Variants in RAD54B observed in about 807,000 individuals in gnomAD.
The protein encoded by RAD54B is RAD54 homolog B.
Under a neutral mutation model 95.8 loss-of-function variants are expected in RAD54B, and 78 were observed. The ratio of observed to expected loss-of-function variants is 0.81; its 90% CI spans 0.68 to 0.98. The LOEUF is 0.98. Ranked by LOEUF, RAD54B falls within the 50% of genes least tolerant of loss-of-function variation. The pLI is 0.00. For missense variants in RAD54B, 957 were observed against 1,056.6 expected (o/e 0.91, Z 1.31); for synonymous variants, 328 against 354.9 (o/e 0.92, Z 0.85).
chr8:94,433,601 TATG>T (rs1812175725), intron 3 of RAD54B, among the ~76,000 whole-genome samples: 1 of 152,040 alleles, frequency 6.6e-6, no homozygotes, highest in Non-Finnish European at 1.5e-5. Flanking sequence ...CATAACAAGT[TATG>T]ATATTATAAA....
chr8:94,376,510 AAAG>A (rs1173717166), intron 14 of RAD54B, among the ~76,000 whole-genome samples: 2 of 150,862 alleles, frequency 1.3e-5, no homozygotes, highest in African/African-American at 4.9e-5. Context: ...AAAAAGGAGA[AAAG>A]AAGAGAAATT....
chr8:94,441,706 G>C (rs1812403088), intron 3 of RAD54B, among the ~76,000 whole-genome samples: 1 of 152,194 alleles, frequency 6.6e-6, no homozygotes, highest in African/African-American at 2.4e-5. Flanking sequence ...TCTCCCCAGA[G>C]ATAGGGGTGA....
intron 11 of RAD54B, among the ~76,000 whole-genome samples, chr8:94,380,765 G>A (rs1425584201): frequency 6.6e-6 from 1 of 152,158 alleles, no homozygotes; most frequent in Non-Finnish European, 1.5e-5. Context: ...ATAAGGTGAT[G>A]CCTACATGCC....
In RAD54B at chr8:94,411,201, T is replaced by C. The variant is rs1811519113; in HGVS notation, c.419A>G (p.Lys140Arg). The C allele has an allele frequency of 1.2e-6, 2 of 1,611,308 alleles. No individual in the cohort carries two copies. Among genetic ancestry groups the C allele is most frequent in the Non-Finnish European group, 1.7e-6 (2 of 1,178,912 alleles). ...WCKPSKKKHK[K>R]WEGDAVLIVK... The stretch of plus-strand genomic sequence containing the variant: ...AATAAGAACAGCATCACCTTCCCAC[T>C]TTTTATGTTTTTTCTTTGAAGGCTT... Residue 140 changes from lysine (K) to arginine (R), a missense_variant, in exon 4 of 15, where the codon AAG becomes AGG. Lys to Arg is a conservative substitution (Grantham distance 26, BLOSUM62 2). Coordinates refer to ENST00000336148, the MANE Select transcript of RAD54B (RefSeq NM_012415.3).
At chr8:94,461,135 T>C (rs1812890945) in intron 2 of RAD54B, among the ~76,000 whole-genome samples, 1 of 149,882 alleles carries the variant, frequency 6.7e-6, no homozygotes, top group African/African-American at 2.4e-5. Context: ...ATAGGCAAAG[T>C]TGTCATGTTA....
chr8:94,425,816 G>GA (rs200507754), intron 3 of RAD54B, among the ~76,000 whole-genome samples: 21,058 of 132,656 alleles, frequency 0.16, 2,502 homozygotes, highest in East Asian at 0.36. Flanking sequence ...GTACTAAAAT[G>GA]AAAAAAAAAA....
chr8:94,461,756 G>T (rs1028477056), intron 2 of RAD54B, among the ~76,000 whole-genome samples: 14 of 152,010 alleles, frequency 9.2e-5, no homozygotes, highest in Non-Finnish European at 1.6e-4. Context: ...ACACACACAC[G>T]TGAGAGTAAA....
intron 11 of RAD54B, among the ~76,000 whole-genome samples, chr8:94,383,657 C>T (rs1810796122): frequency 1.3e-5 from 2 of 152,118 alleles, no homozygotes; most frequent in East Asian, 3.8e-4. Context: ...AAAACAAAAT[C>T]CATATAGGGC....
At chr8:94,400,817 G>A (rs567804606) in intron 6 of RAD54B, among the ~76,000 whole-genome samples, 10 of 152,142 alleles carry the variant, frequency 6.6e-5, no homozygotes, top group African/African-American at 2.4e-4. Flanking sequence ...ATTGGTTTCA[G>A]ATATCAAAAC....
intron 10 of RAD54B, 149 bp from the exon 11 acceptor site, chr8:94,387,308 A>G: frequency 1.6e-6 from 1 of 612,916 alleles, no homozygotes; most frequent in Non-Finnish European, 2.7e-6. Context: ...ATAGGTCATG[A>G]TTTGATCATT....
intron 2 of RAD54B, among the ~76,000 whole-genome samples, chr8:94,466,050 T>C (rs1430075919): frequency 6.6e-6 from 1 of 152,150 alleles, no homozygotes; most frequent in East Asian, 1.9e-4. Context: ...AGAGTTTCTG[T>C]TTGGGGTAAT....
intron 3 of RAD54B, among the ~76,000 whole-genome samples, chr8:94,416,738 G>A (rs1394788037): frequency 6.6e-6 from 1 of 152,124 alleles, no homozygotes; most frequent in Non-Finnish European, 1.5e-5. Flanking sequence ...ATAAACAAGT[G>A]TGATGCGTAT....
At chr8:94,373,800 T>C (rs751892814) in intron 14 of RAD54B, among the ~76,000 whole-genome samples, 1 of 152,188 alleles carries the variant, frequency 6.6e-6, no homozygotes, top group Non-Finnish European at 1.5e-5. Flanking sequence ...CTTTTAATTA[T>C]GGGAAATTTC....
chr8:94,433,920 G>A (rs902481227), intron 3 of RAD54B, among the ~76,000 whole-genome samples: 1 of 151,522 alleles, frequency 6.6e-6, no homozygotes, highest in Non-Finnish European at 1.5e-5. Context: ...CTACCCATAC[G>A]TTACTTACTA....
At chr8:94,432,667 C>CA (rs1563655280) in intron 3 of RAD54B, 5 of 1,469,224 alleles carry the variant, frequency 3.4e-6, no homozygotes, top group Admixed American at 2.6e-5. Flanking sequence ...CTATAGCACA[C>CA]AAAAAAGCAT....
At chr8:94,462,648 A>C (rs753318279) in intron 2 of RAD54B, among the ~76,000 whole-genome samples, 2 of 152,190 alleles carry the variant, frequency 1.3e-5, no homozygotes, top group African/African-American at 4.8e-5. Context: ...AAATAGTTTA[A>C]AAACAAGAAG....
At chr8:94,444,612 C>G (rs886817797) in intron 3 of RAD54B, among the ~76,000 whole-genome samples, 6 of 152,192 alleles carry the variant, frequency 3.9e-5, no homozygotes, top group Non-Finnish European at 8.8e-5. Flanking sequence ...TTGACCAACT[C>G]TAGCAAAGCT....
intron 2 of RAD54B, among the ~76,000 whole-genome samples, chr8:94,464,251 G>A (rs2130192829): frequency 6.6e-6 from 1 of 152,250 alleles, no homozygotes; most frequent in South Asian, 2.1e-4. Flanking sequence ...AATCAAATGA[G>A]TTCTAGCTGC....
rs112882967 is a variant in RAD54B, at chr8:94,458,333, T to A, written c.239A>T (p.Asp80Val). The stretch of plus-strand genomic sequence containing the variant: ...AAAACAATATTTTCCACTGCAATTA[T>A]CTCTGTTATTGATTTCTCTAGTACT... The part of the protein sequence containing the change: ...EESTREINNR[D>V]NCSGKYCFEA... The change falls in exon 3 of 15, where the codon GAT becomes GTT. Residue 80 changes from aspartate (D) to valine (V), a missense_variant. Transcript: ENST00000336148. The A allele has an allele frequency of 1.4e-5, 23 of 1,610,654 alleles. No homozygotes were observed. The highest frequency in any genetic ancestry group is 1.2e-4 in the African/African-American group (9 of 74,974).
Sources: allele counts gnomAD v4.1 joint callset (sites outside exome capture counted in the v4.1 genomes callset), GRCh38; gene constraint gnomAD v4.1.1; transcripts MANE v1.5; gene names NCBI Gene and HGNC (gene_info 2026-07-23, HGNC 2026-07-21).